Variants in DNAJC13 observed in about 807,000 individuals in gnomAD.
The protein encoded by DNAJC13 is dnaJ homolog subfamily C member 13.
DNAJC13 carries 75 observed loss-of-function variants against 290.5 expected under a neutral mutation model. The ratio of observed to expected loss-of-function variants is 0.26; its 90% CI spans 0.21 to 0.31. The LOEUF (loss-of-function observed/expected upper bound fraction) is 0.31. Ranked by LOEUF, DNAJC13 falls within the 10% of genes least tolerant of loss-of-function variation. The pLI, the probability that DNAJC13 is intolerant of heterozygous loss-of-function variation, is 1.00. For synonymous variants in DNAJC13, 862 were observed against 892.0 expected (o/e 0.97, Z 0.60); for missense variants, 2,260 against 2,674.5 (o/e 0.85, Z 3.42).
intron 17 of DNAJC13, 95 bp downstream of exon 17, chr3:132,463,912 A>G (rs1311041461): frequency 7.4e-7 from 1 of 1,354,004 alleles, no homozygotes; most frequent in African/African-American, 1.5e-5. Flanking sequence ...TATTACACAA[A>G]TAATACATTT....
chr3:132,516,413 A>C lies in DNAJC13; in HGVS notation c.5486-9A>C, dbSNP rs746223831. 1.2e-6 allele frequency: 2 copies of C among 1,613,272 alleles called. No individual in the cohort carries two copies. The highest frequency in any genetic ancestry group is 1.7e-6 in the Non-Finnish European group (2 of 1,179,560). On this transcript the variant is annotated splice_polypyrimidine_tract_variant and intron_variant, in intron 46 of 55. Transcript: ENST00000260818. ...TGATGCATTCCTTGAAATGTCTTTT[A>C]CTCTGCAGGTCGTCAGCTTGTTCTG...
chr3:132,424,394 A>G (rs1455659722), intron 1 of DNAJC13, among the ~76,000 whole-genome samples: 1 of 152,142 alleles, frequency 6.6e-6, no homozygotes, highest in Admixed American at 6.5e-5. Context: ...ACTGTTGAAT[A>G]GAAGAGGTCA....
intron 9 of DNAJC13, 65 bp from the exon 10 acceptor site, chr3:132,456,170 T>A (rs1933592335): frequency 6.7e-7 from 1 of 1,491,244 alleles, no homozygotes; most frequent in Non-Finnish European, 9.2e-7. Flanking sequence ...CTATGCTTCA[T>A]GCTAGATCAA....
At chr3:132,442,679 T>C (rs1322513057) in intron 2 of DNAJC13, among the ~76,000 whole-genome samples, 1 of 152,232 alleles carries the variant, frequency 6.6e-6, no homozygotes, top group Non-Finnish European at 1.5e-5. Context: ...TTATACCTAA[T>C]GGTAACATAA....
rs190974265 is a variant in DNAJC13, at chr3:132,498,269, T to G, written c.4157-857T>G. On this transcript the variant is annotated intron_variant, in intron 36 of 55. Coordinates refer to ENST00000260818, the MANE Select transcript of DNAJC13 (RefSeq NM_015268.4). ...CTGGTAAAATAGATACCAGTTATCT[T>G]TAAGATAACTGGTAAAATAGATACT... Among the ~76,000 whole-genome samples, 112 of 151,730 alleles carry G rather than the reference T, an allele frequency of 7.4e-4. 1 individual carries two copies. Among genetic ancestry groups the G allele is most frequent in the Non-Finnish European group, 1.0e-3 (71 of 67,972 alleles).
chr3:132,504,310 G>GTTT (rs10563201), intron 41 of DNAJC13, among the ~76,000 whole-genome samples: 4 of 140,290 alleles, frequency 2.9e-5, no homozygotes, highest in African/African-American at 1.1e-4. Context: ...GATGCTACTG[G>GTTT]TTTTTTTTTT....
chr3:132,467,509 A>C, intron 20 of DNAJC13, among the ~76,000 whole-genome samples, 196 bp downstream of exon 20: 1 of 152,166 alleles, frequency 6.6e-6, no homozygotes, highest in Non-Finnish European at 1.5e-5. Context: ...TCTGTTGCAC[A>C]GGCTGGAGTG....
chr3:132,483,683 G>C, intron 28 of DNAJC13, 106 bp downstream of exon 28: 2 of 1,134,308 alleles, frequency 1.8e-6, no homozygotes, highest in African/African-American at 1.5e-5. Context: ...TATGGCCTTG[G>C]AGGAATGCTG....
chr3:132,424,466 T>C (rs1939040501), intron 1 of DNAJC13, among the ~76,000 whole-genome samples: 1 of 152,096 alleles, frequency 6.6e-6, no homozygotes, highest in African/African-American at 2.4e-5. Flanking sequence ...TTTCTTCAGA[T>C]TTAGGGGTTG....
intron 1 of DNAJC13, among the ~76,000 whole-genome samples, chr3:132,427,166 C>CT (rs1939117638): frequency 6.9e-6 from 1 of 144,166 alleles, no homozygotes; most frequent in South Asian, 2.1e-4. Context: ...GGGTCTGACT[C>CT]TGTCTCCCAG....
chr3:132,429,040 G>GT (rs1372677087), intron 1 of DNAJC13, among the ~76,000 whole-genome samples: 7 of 152,126 alleles, frequency 4.6e-5, no homozygotes, highest in African/African-American at 1.7e-4. Flanking sequence ...GCCAAAAAAT[G>GT]TTTTTTAAGC....
chr3:132,420,965 AAGAT>A (rs1938941538), intron 1 of DNAJC13, among the ~76,000 whole-genome samples: 1 of 152,264 alleles, frequency 6.6e-6, no homozygotes. Flanking sequence ...ATTTTTTAAA[AAGAT>A]AGGAGCTTAA....
intron 1 of DNAJC13, 40 bp from the exon 2 acceptor site, chr3:132,434,498 T>A: frequency 7.0e-7 from 1 of 1,420,910 alleles, no homozygotes; most frequent in Non-Finnish European, 9.8e-7. Context: ...ATTAAAGATA[T>A]ATAACATGTA....
intron 1 of DNAJC13, among the ~76,000 whole-genome samples, chr3:132,429,615 C>T (rs544083294): frequency 6.7e-4 from 102 of 152,226 alleles, no homozygotes; most frequent in African/African-American, 2.4e-3. Context: ...AGTCACCTTG[C>T]TTCCCTACCT....
chr3:132,488,784 C>T (rs567413021), intron 30 of DNAJC13, among the ~76,000 whole-genome samples, 192 bp from the exon 31 acceptor site: 1 of 152,138 alleles, frequency 6.6e-6, no homozygotes, highest in South Asian at 2.1e-4. Flanking sequence ...AATATGACTA[C>T]ACTTTAAAAA....
intron 36 of DNAJC13, among the ~76,000 whole-genome samples, chr3:132,497,617 A>T (rs1011480019): frequency 5.3e-5 from 8 of 152,240 alleles, no homozygotes; most frequent in African/African-American, 1.7e-4. Flanking sequence ...TTTTAGATAT[A>T]TGGCTTTTAC....
At chr3:132,472,437 A>G (rs139201988) in intron 20 of DNAJC13, 192 of 479,704 alleles carry the variant, frequency 4.0e-4, no homozygotes, top group African/African-American at 3.8e-3. Flanking sequence ...AGGTGCACCT[A>G]TTTTAGTCTT....
At chr3:132,429,387 A>G (rs976742075) in intron 1 of DNAJC13, among the ~76,000 whole-genome samples, 2 of 152,150 alleles carry the variant, frequency 1.3e-5, no homozygotes, top group African/African-American at 4.8e-5. Context: ...GGTTAGTCCA[A>G]AGTCTGGCCC....
At chr3:132,447,202 G>A (rs1933274146) in intron 3 of DNAJC13, 119 bp from the exon 4 acceptor site, 1 of 868,704 alleles carries the variant, frequency 1.2e-6, no homozygotes, top group African/African-American at 1.8e-5. Flanking sequence ...ACAATTTCTA[G>A]ACTCTATTTT....
Sources: gnomAD v4.1 joint callset for allele counts (sites outside exome capture counted in the v4.1 genomes callset) on GRCh38, gnomAD v4.1.1 for gene constraint, MANE v1.5 for transcripts, NCBI Gene and HGNC (gene_info 2026-07-23, HGNC 2026-07-21) for gene names.